Variants in KCNG2 observed in about 807,000 individuals in gnomAD.
KCNG2 encodes potassium voltage-gated channel modifier subfamily G member 2.
Under a neutral mutation model 12.3 loss-of-function variants are expected in KCNG2, and 7 were observed. The ratio of observed to expected loss-of-function variants is 0.57; its 90% CI spans 0.32 to 1.07. The LOEUF (loss-of-function observed/expected upper bound fraction) is 1.07. Among genes scored for constraint, KCNG2 ranks in the 50% least tolerant of loss-of-function variants. The pLI is 0.04. For synonymous variants in KCNG2, 414 were observed against 351.4 expected (o/e 1.18, Z -1.99); for missense variants, 703 against 726.0 (o/e 0.97, Z 0.36).
rs1361136999 is a variant in KCNG2 at position 79,800,229 on chromosome 18, G to T, written c.-115+2215G>T. On this transcript the variant is annotated intron_variant, in intron 1 of 3. Transcript: ENST00000316249. This position sits in a 1 kb window ranked among gnomAD's most constrained non-coding sequence, Gnocchi z 4.0. ...CCGGGAGGGGTGGTAGGGCCTGCAGGACGAGGACACGCAGGGCATCCAGGG... is the reference window on the plus strand; with the variant it reads ...CCGGGAGGGGTGGTAGGGCCTGCAGTACGAGGACACGCAGGGCATCCAGGG... Among the ~76,000 whole-genome samples the T allele has an allele frequency of 6.6e-6, 1 of 152,184 alleles. No individual in the cohort carries two copies. Among genetic ancestry groups the T allele is most frequent in the African/African-American group, 2.4e-5 (1 of 41,442 alleles).
intron 3 of KCNG2, among the ~76,000 whole-genome samples, chr18:79,889,219 T>C (rs2123122877): frequency 6.6e-6 from 1 of 152,372 alleles, no homozygotes; most frequent in South Asian, 2.1e-4. Flanking sequence ...CCTTGGCTAA[T>C]CCTTTGTCGT....
intron 1 of KCNG2, among the ~76,000 whole-genome samples, chr18:79,835,588 C>A (rs1335832213): frequency 3.3e-5 from 5 of 152,160 alleles, no homozygotes; most frequent in Non-Finnish European, 7.3e-5. Flanking sequence ...ATAAAAGAGT[C>A]AGTGAACTGG....
chr18:79,882,867 A>G (rs7229375), intron 3 of KCNG2, among the ~76,000 whole-genome samples: 5,934 of 123,850 alleles, frequency 0.048, 715 homozygotes, highest in Middle Eastern at 0.083. Context: ...GGCCGGGTAC[A>G]CCTGCGCGTG....
chr18:79,815,888 G>A (rs2087524769), intron 1 of KCNG2, among the ~76,000 whole-genome samples: 1 of 152,226 alleles, frequency 6.6e-6, no homozygotes, highest in Admixed American at 6.5e-5. Flanking sequence ...CAGGGGGGTG[G>A]CAGCCAACAC....
chr18:79,845,078 C>T (rs927130821), intron 1 of KCNG2, among the ~76,000 whole-genome samples: 1 of 152,204 alleles, frequency 6.6e-6, no homozygotes, highest in African/African-American at 2.4e-5. Flanking sequence ...TGGAATACTA[C>T]TCTGCAGTAA....
intron 3 of KCNG2, among the ~76,000 whole-genome samples, chr18:79,882,007 T>A (rs1042840407): frequency 6.6e-6 from 1 of 150,884 alleles, no homozygotes; most frequent in East Asian, 1.9e-4. Flanking sequence ...TCCCATATTT[T>A]AAAAAAACAC....
intron 3 of KCNG2, among the ~76,000 whole-genome samples, chr18:79,878,008 G>A (rs1290208999): frequency 6.6e-6 from 1 of 152,250 alleles, no homozygotes; most frequent in Non-Finnish European, 1.5e-5. Context: ...CAGAACAGCT[G>A]TCCCCACACT....
At chr18:79,798,077 A>C (rs1290961973) in intron 1 of KCNG2, among the ~76,000 whole-genome samples, 63 bp downstream of exon 1, 4 of 102,490 alleles carry the variant, frequency 3.9e-5, no homozygotes, top group Non-Finnish European at 6.1e-5. Flanking sequence ...CCGGGGCCGC[A>C]GTGGGCGGTG....
intron 1 of KCNG2, among the ~76,000 whole-genome samples, chr18:79,811,260 A>C (rs974890789): frequency 1.4e-4 from 22 of 152,200 alleles, no homozygotes; most frequent in African/African-American, 5.1e-4. Context: ...CAAGGGACCA[A>C]AGTAAGTGAA....
At chr18:79,859,767 T>G (rs1444291167) in intron 2 of KCNG2, among the ~76,000 whole-genome samples, 1 of 152,242 alleles carries the variant, frequency 6.6e-6, no homozygotes, top group African/African-American at 2.4e-5. Flanking sequence ...TTGTCAAAAG[T>G]GAACTGACGG....
chr18:79,838,239 C>A (rs1383986580), intron 1 of KCNG2, among the ~76,000 whole-genome samples: 2 of 152,060 alleles, frequency 1.3e-5, no homozygotes, highest in Non-Finnish European at 2.9e-5. Context: ...CAAACCATAT[C>A]AAAAGTATAC....
At chr18:79,828,918 GTGTC>G (rs1204806643) in intron 1 of KCNG2, among the ~76,000 whole-genome samples, 2 of 145,108 alleles carry the variant, frequency 1.4e-5, no homozygotes, top group Non-Finnish European at 1.5e-5. Flanking sequence ...GTGTCTGTGT[GTGTC>G]TATGTGTGCG....
intron 3 of KCNG2, among the ~76,000 whole-genome samples, chr18:79,888,297 C>T (rs1224203141): frequency 6.6e-6 from 1 of 152,198 alleles, no homozygotes; most frequent in African/African-American, 2.4e-5. Flanking sequence ...AGGCTGCAGA[C>T]TCCTGAGAAG....
intron 1 of KCNG2, among the ~76,000 whole-genome samples, chr18:79,851,070 T>TA (rs2048367387): frequency 1.3e-5 from 2 of 152,218 alleles, no homozygotes; most frequent in South Asian, 4.1e-4. Flanking sequence ...AAAGCAAGTT[T>TA]ATTAAGAAAG....
intron 1 of KCNG2, among the ~76,000 whole-genome samples, chr18:79,826,399 A>T (rs1337259547): frequency 6.6e-6 from 1 of 152,240 alleles, no homozygotes; most frequent in Admixed American, 6.5e-5. Flanking sequence ...TGCCCACCGC[A>T]CGAAGCTTCA....
Position 79,899,834 on chromosome 18 carries a change from C to T in KCNG2, c.*18C>T, listed in dbSNP as rs1419337861. The T allele has an allele frequency of 3.0e-6, 4 of 1,345,030 alleles. No individual in the cohort carries two copies. The highest frequency in any genetic ancestry group is 3.8e-6 in the Non-Finnish European group (4 of 1,053,020). The allele number at this position is 1,345,030 out of a possible 1,614,324, so 83.3% of individuals were successfully genotyped here. Reference sequence around the variant, plus strand: ...GGCGCTGACGCCTGCGCCGCCCACACGGAGACCCCCTGCCCCCTCCAGCTG... The same window carrying T: ...GGCGCTGACGCCTGCGCCGCCCACATGGAGACCCCCTGCCCCCTCCAGCTG... On this transcript the variant is annotated 3_prime_UTR_variant, in exon 4 of 4. Coordinates refer to ENST00000316249, the MANE Select transcript of KCNG2 (RefSeq NM_012283.2).
chr18:79,851,782 TGAATGTGCATTGTGTGAATGTGTGTGA>T (rs1978832648), intron 1 of KCNG2, among the ~76,000 whole-genome samples: 1 of 151,880 alleles, frequency 6.6e-6, no homozygotes, highest in African/African-American at 2.4e-5. Flanking sequence ...AATGCGTGTG[TGAATGTGCATTGTGTGAATGTGTGTGA>T]ATGTGCATGT....
At chr18:79,810,441 C>T (rs1054975797) in intron 1 of KCNG2, among the ~76,000 whole-genome samples, 29 of 152,112 alleles carry the variant, frequency 1.9e-4, no homozygotes, top group African/African-American at 5.6e-4. Context: ...ATGCCGAGTG[C>T]TGGTGAGTAA....
chr18:79,863,979 G>C lies in KCNG2; in HGVS notation c.312G>C (p.Glu104Asp). The change falls in exon 3 of 4, where the codon GAG becomes GAC. Residue 104 changes from glutamate (E) to aspartate (D), a missense_variant. Physicochemically the swap from Glu to Asp is conservative, Grantham distance 45 (BLOSUM62 2). Coordinates refer to ENST00000316249, the MANE Select transcript of KCNG2 (RefSeq NM_012283.2). ...CGTGCGCGCTGGCCTTCCGCGACGAGCTGGCCTACTGGGGCATCGACGAGG... is the reference window on the plus strand; with the variant it reads ...CGTGCGCGCTGGCCTTCCGCGACGACCTGGCCTACTGGGGCATCGACGAGG... Reference protein sequence around the residue: ...RGPCALAFRDELAYWGIDEAR... With the variant: ...RGPCALAFRDDLAYWGIDEAR... 8.0e-7 allele frequency: 1 copy of C among 1,249,090 alleles called. No homozygotes were observed. Among genetic ancestry groups the C allele is most frequent in the Non-Finnish European group, 1.0e-6 (1 of 990,298 alleles). The allele number at this position is 1,249,090 out of a possible 1,614,324, so 77.4% of individuals were successfully genotyped here. A position where few individuals can be genotyped will look rare whatever the true frequency, so the allele number is the denominator to read the frequency against.
Sources: allele counts gnomAD v4.1 joint callset (sites outside exome capture counted in the v4.1 genomes callset), GRCh38; gene constraint gnomAD v4.1.1; non-coding constraint Gnocchi (gnomAD v3.1); transcripts MANE v1.5; gene names NCBI Gene and HGNC (gene_info 2026-07-23, HGNC 2026-07-21).